Variants in PKDCC observed in about 807,000 individuals in gnomAD.
PKDCC encodes the protein extracellular tyrosine-protein kinase PKDCC.
Under a neutral mutation model 44.7 loss-of-function variants are expected in PKDCC, and 35 were observed. That is an observed-to-expected ratio of 0.78 (90% CI 0.60 to 1.04). The LOEUF (loss-of-function observed/expected upper bound fraction) is 1.04, where lower values mean the gene tolerates loss of function less well. PKDCC is among the 50% of genes least tolerant of loss of function. The probability of loss-of-function intolerance (pLI) is 0.00; values close to 1 mark genes in which losing one functional copy is unlikely to be tolerated. For synonymous variants in PKDCC, 353 were observed against 303.3 expected (o/e 1.16, Z -1.70); for missense variants, 738 against 672.7 (o/e 1.10, Z -1.07).
chr2:42,053,114 T>C, intron 1 of PKDCC, 125 bp from the exon 2 acceptor site: 1 of 1,107,746 alleles, frequency 9.0e-7, no homozygotes, highest in South Asian at 1.6e-5. Context: ...CATTCTCTTC[T>C]GGCCTGAGCT....
In PKDCC at chr2:42,052,866, T is replaced by G. The variant is rs536195422; in HGVS notation, c.640-373T>G. On this transcript the variant is annotated intron_variant, in intron 1 of 6. Coordinates refer to ENST00000294964, the MANE Select transcript of PKDCC (RefSeq NM_138370.3). This position sits in a 1 kb window ranked among gnomAD's most constrained non-coding sequence, Gnocchi z 4.3. ...GACCTTATGCAAGCAACTTAACCTCTCTGAGTCAGCCTCCTCACCTGAAGT... is the reference window on the plus strand; with the variant it reads ...GACCTTATGCAAGCAACTTAACCTCGCTGAGTCAGCCTCCTCACCTGAAGT... Among the ~76,000 whole-genome samples the G allele has an allele frequency of 6.6e-6, 1 of 152,288 alleles. No individual in the cohort carries two copies. The highest frequency in any genetic ancestry group is 1.9e-4 in the East Asian group (1 of 5,194).
Position 42,057,936 on chromosome 2 carries a change from C to G in PKDCC, c.*248C>G. On this transcript the variant is annotated 3_prime_UTR_variant, in exon 7 of 7. Transcript: ENST00000294964. ...GAATCATGGGGGTATGACTGCCTCT[C>G]CAACCCTGTGGGCTGTAAGCAAGCT... 1 of 531,826 alleles carries G rather than the reference C, an allele frequency of 1.9e-6. No homozygotes were observed. Among genetic ancestry groups the G allele is most frequent in the East Asian group, 3.2e-5 (1 of 30,920 alleles). 32.9% of individuals were successfully genotyped at this position (531,826 alleles called of 1,614,324 possible). A position where few individuals can be genotyped will look rare whatever the true frequency, so the allele number is the denominator to read the frequency against.
chr2:42,053,304 G>A lies in PKDCC; in HGVS notation c.705G>A (p.Leu235=). Residue 235 remains leucine (L), a synonymous_variant, in exon 2 of 7, where the codon CTG becomes CTA. Coordinates refer to ENST00000294964, the MANE Select transcript of PKDCC (RefSeq NM_138370.3). ...IPDTLTTITE[L]GAPVEMIQLL... is the part of the protein sequence containing the mutation. ...ACACCCTGACCACCATCACGGAGCT[G>A]GGCGCCCCTGTAGAAATGATCCAGC... The A allele has an allele frequency of 6.2e-7, 1 of 1,613,772 alleles. No individual in the cohort carries two copies. Among genetic ancestry groups the A allele is most frequent in the Non-Finnish European group, 8.5e-7 (1 of 1,179,892 alleles).
In PKDCC at chr2:42,048,170, C is replaced by T. The variant is rs1243467374; in HGVS notation, c.-30C>T. On this transcript the variant is annotated 5_prime_UTR_variant, in exon 1 of 7. Transcript: ENST00000294964. This position sits in a 1 kb window ranked among gnomAD's most constrained non-coding sequence, Gnocchi z 6.2. ...CCGGGGCCGGGGCCGGGGAGCCGCG[C>T]GGGGCCGGCCGGCCGGGGGGAGGGG... The T allele has an allele frequency of 3.1e-6, 3 of 978,512 alleles. No homozygotes were observed. The highest frequency in any genetic ancestry group is 3.5e-6 in the Non-Finnish European group (3 of 849,438). The allele number at this position is 978,512 out of a possible 1,614,324, so 60.6% of individuals were successfully genotyped here.
chr2:42,056,113 C>G (rs1340005933), intron 5 of PKDCC, among the ~76,000 whole-genome samples: 1 of 152,168 alleles, frequency 6.6e-6, no homozygotes, highest in East Asian at 1.9e-4. Flanking sequence ...ATGGCTGGCT[C>G]TGTCCCTGAG....
rs188227069 is a variant in PKDCC, at chr2:42,052,287, G to T, written c.640-952G>T. ...AGGTACCTTGTTCTTATCAACACTT[G>T]TTACCAGTCTAAGGGAACTTGCTTT... is the stretch of plus-strand genomic sequence containing the variant. On this transcript the variant is annotated intron_variant, in intron 1 of 6. Transcript: ENST00000294964. This position sits in a 1 kb window ranked among gnomAD's most constrained non-coding sequence, Gnocchi z 4.3. Among the ~76,000 whole-genome samples, 1 of 152,242 alleles carries T rather than the reference G, an allele frequency of 6.6e-6. No individual in the cohort carries two copies. Among genetic ancestry groups the T allele is most frequent in the East Asian group, 1.9e-4 (1 of 5,190 alleles).
At chr2:42,053,714 C>T (rs13419617) in intron 2 of PKDCC, among the ~76,000 whole-genome samples, 45,492 of 152,022 alleles carry the variant, frequency 0.3, 7,452 homozygotes, top group African/African-American at 0.42. Flanking sequence ...CTGACCCTCC[C>T]GATATTTCCA....
intron 2 of PKDCC, 54 bp from the exon 3 acceptor site, chr2:42,053,982 C>T: frequency 1.3e-6 from 2 of 1,572,326 alleles, no homozygotes; most frequent in East Asian, 4.5e-5. Flanking sequence ...TCGAGTCCCA[C>T]AGACCCCCAA....
chr2:42,053,534 T>TA lies in PKDCC; in HGVS notation c.762+176dup, dbSNP rs1246042955. 4.7e-6 allele frequency: 4 copies of TA among 856,016 alleles called. No homozygotes were observed. The African/African-American group carries it at 5.1e-5, about 11-fold the overall frequency. The allele number at this position is 856,016 out of a possible 1,614,324, so 53.0% of individuals were successfully genotyped here. ...AAGGGTTCAAAAAAGAAGCAAGACT[T>TA]AAAGGATCCCGACATGCTGTGCTCT... On this transcript the variant is annotated intron_variant, in intron 2 of 6. Coordinates refer to ENST00000294964, the MANE Select transcript of PKDCC (RefSeq NM_138370.3).
Position 42,055,455 on chromosome 2 carries a change from G to A in PKDCC, c.1222+62G>A, listed in dbSNP as rs530500531. 27 of 1,435,236 alleles carry A rather than the reference G, an allele frequency of 1.9e-5. No homozygotes were observed. Among genetic ancestry groups the A allele is most frequent in the African/African-American group, 2.8e-5 (2 of 71,932 alleles). The allele number at this position is 1,435,236 out of a possible 1,614,324, so 88.9% of individuals were successfully genotyped here. A position where few individuals can be genotyped will look rare whatever the true frequency, so the allele number is the denominator to read the frequency against. On this transcript the variant is annotated intron_variant, in intron 5 of 6. Transcript: ENST00000294964. The surrounding 1 kb of genome is among the most constrained non-coding windows in gnomAD (Gnocchi z 4.5). ...AACAGGTGGGAGGGTGAATGACCCC[G>A]CCCAATTAGGCTAAGTGGCTCACCC...
At position 42,051,268 on chromosome 2, in the gene PKDCC, G is replaced by A. The variant is rs73930811; in HGVS notation, c.640-1971G>A. On this transcript the variant is annotated intron_variant, in intron 1 of 6. Transcript: ENST00000294964. The surrounding 1 kb of genome is among the most constrained non-coding windows in gnomAD (Gnocchi z 4.2). ...GACACACGCATACACACTCCCTCAC[G>A]TGACTTGACTCCTCTATAGCCCAGG... Among the ~76,000 whole-genome samples, 1,580 of 143,256 alleles carry A rather than the reference G, an allele frequency of 0.011. 25 individuals are homozygous for A. The highest frequency in any genetic ancestry group is 0.038 in the African/African-American group (1,481 of 38,686). 94.0% of individuals were successfully genotyped at this position (143,256 alleles called of 152,430 possible). A position where few individuals can be genotyped will look rare whatever the true frequency, so the allele number is the denominator to read the frequency against.
chr2:42,054,978 C>G lies in PKDCC; in HGVS notation c.1072C>G (p.Pro358Ala). Residue 358 changes from proline to alanine, a missense_variant, in exon 4 of 7, where the codon CCT becomes GCT. Transcript: ENST00000294964. This position sits in a 1 kb window ranked among gnomAD's most constrained non-coding sequence, Gnocchi z 6.1. ...FTYLLPHSAP[P>A]SLRPLLDSIV... ...ATACCTCCTGCCTCACAGTGCCCCG[C>G]CTTCACTGCGTCCTCTGCTGGACAG... 1 of 1,614,148 alleles carries G rather than the reference C, an allele frequency of 6.2e-7. No individual in the cohort carries two copies. Among genetic ancestry groups the G allele is most frequent in the Non-Finnish European group, 8.5e-7 (1 of 1,179,986 alleles).
chr2:42,049,183 A>C (rs781196471), intron 1 of PKDCC, among the ~76,000 whole-genome samples: 2 of 152,198 alleles, frequency 1.3e-5, no homozygotes, highest in African/African-American at 2.4e-5. Context: ...ATATTACCCC[A>C]AGCCAAAATG....
In PKDCC at chr2:42,048,929, G is replaced by A; in HGVS notation, c.639+91G>A. 3 of 1,343,536 alleles carry A rather than the reference G, an allele frequency of 2.2e-6. No homozygotes were observed. In the South Asian group the frequency reaches 6.1e-5, roughly 27 times the overall value. 83.2% of individuals were successfully genotyped at this position (1,343,536 alleles called of 1,614,324 possible). ...CTGGAAGAGAACCCCTTGATCTGGAGTGCCAGTGACTGCACCCAGGCTAAG... is the reference window on the plus strand; with the variant it reads ...CTGGAAGAGAACCCCTTGATCTGGAATGCCAGTGACTGCACCCAGGCTAAG... On this transcript the variant is annotated intron_variant, in intron 1 of 6. Transcript: ENST00000294964. This position sits in a 1 kb window ranked among gnomAD's most constrained non-coding sequence, Gnocchi z 6.2.
Position 42,054,283 on chromosome 2 carries a change from A to G in PKDCC, c.1010A>G (p.Lys337Arg), listed in dbSNP as rs1452848671. 1 of 1,605,580 alleles carries G rather than the reference A, an allele frequency of 6.2e-7. No individual in the cohort carries two copies. ...AQGWCEGMNE[K>R]RNLYNAYRFF... is the part of the protein sequence containing the mutation. ...GGCTGGTGCGAGGGCATGAACGAGA[A>G]GCGGAACCTCTATAATGCCTACAGG... The change falls in exon 3 of 7, where the codon AAG (lysine) becomes AGG (arginine). Residue 337 changes from lysine to arginine, a missense_variant. Physicochemically the swap from Lys to Arg is conservative, Grantham distance 26 (BLOSUM62 2). Transcript: ENST00000294964. This position sits in a 1 kb window ranked among gnomAD's most constrained non-coding sequence, Gnocchi z 6.1.
rs1229022833 is a variant in PKDCC, at chr2:42,048,354, G to A, written c.155G>A (p.Gly52Asp). 2.6e-6 allele frequency: 3 copies of A among 1,167,500 alleles called. No individual in the cohort carries two copies. The highest frequency in any genetic ancestry group is 3.8e-5 in the East Asian group (1 of 26,248). 72.3% of individuals were successfully genotyped at this position (1,167,500 alleles called of 1,614,324 possible). The stretch of plus-strand genomic sequence containing the variant: ...GCCCCGGGTCCGGGCCGTCGCGGGG[G>A]CCGCGGGGAGCTGGCCCGGCAGATC... ...SPAPGPGRRG[G>D]RGELARQIRA... The change falls in exon 1 of 7, where the codon GGC becomes GAC. Residue 52 changes from glycine to aspartate, a missense_variant. Coordinates refer to ENST00000294964, the MANE Select transcript of PKDCC (RefSeq NM_138370.3). The surrounding 1 kb of genome is among the most constrained non-coding windows in gnomAD (Gnocchi z 6.2).
rs780058464 is a variant in PKDCC at position 42,057,399 on chromosome 2, G to C, written c.1396+5G>C. Reference sequence around the variant, plus strand: ...CCAACCAGACCACCTGGACAGGTGAGCCAGTGGGAGAAGCCCTTCCAAGGG... The same window carrying C: ...CCAACCAGACCACCTGGACAGGTGACCCAGTGGGAGAAGCCCTTCCAAGGG... On this transcript the variant is annotated splice_donor_5th_base_variant and intron_variant, in intron 6 of 6. Transcript: ENST00000294964. The C allele has an allele frequency of 2.5e-6, 4 of 1,614,124 alleles. No individual in the cohort carries two copies. Among genetic ancestry groups the C allele is most frequent in the Non-Finnish European group, 3.4e-6 (4 of 1,180,022 alleles).
At position 42,057,219 on chromosome 2, in the gene PKDCC, A is replaced by C. The variant is rs113026646; in HGVS notation, c.1223-2A>C. On this transcript the variant is annotated splice_acceptor_variant, in intron 5 of 6. Transcript: ENST00000294964. LOFTEE classifies it high-confidence loss of function. The stretch of plus-strand genomic sequence containing the variant: ...TCATTTTACTCCATCCCCAACCCAC[A>C]GAGTACCAGTGTATCCCAGACAGCA... 6.2e-7 allele frequency: 1 copy of C among 1,613,988 alleles called. No individual in the cohort carries two copies.
At chr2:42,053,428 C>G in intron 2 of PKDCC, 67 bp downstream of exon 2, 1 of 1,521,772 alleles carries the variant, frequency 6.6e-7, no homozygotes, top group Non-Finnish European at 8.8e-7. Flanking sequence ...GAAGGCCAGC[C>G]CTCCAAAGCA....
Sources: allele counts gnomAD v4.1 joint callset (sites outside exome capture counted in the v4.1 genomes callset), GRCh38; gene constraint gnomAD v4.1.1; non-coding constraint Gnocchi (gnomAD v3.1); transcripts MANE v1.5; gene names NCBI Gene and HGNC (gene_info 2026-07-23, HGNC 2026-07-21).